CDH12: variants seen among roughly 807,000 people sequenced by gnomAD.
The protein encoded by CDH12 is cadherin-12.
Under a neutral mutation model 74.1 loss-of-function variants are expected in CDH12, and 41 were observed. The observed-to-expected ratio is 0.55, with a 90% CI of 0.43 to 0.72. The LOEUF (loss-of-function observed/expected upper bound fraction) is 0.72, where lower values mean the gene tolerates loss of function less well. Ranked by LOEUF, CDH12 falls within the 30% of genes least tolerant of loss-of-function variation. CDH12 has a pLI of 0.00. For missense variants in CDH12, 945 were observed against 977.2 expected (o/e 0.97, Z 0.44); for synonymous variants, 399 against 355.0 (o/e 1.12, Z -1.39).
chr5:21,933,711 G>C (rs1754947648), intron 6 of CDH12, among the ~76,000 whole-genome samples: 1 of 152,164 alleles, frequency 6.6e-6, no homozygotes, highest in Non-Finnish European at 1.5e-5. Context: ...TTAAGTGGTA[G>C]AAAGTACTGA....
At chr5:22,786,059 C>G (rs114928476) in intron 1 of CDH12, among the ~76,000 whole-genome samples, 2,707 of 152,140 alleles carry the variant, frequency 0.018, 84 homozygotes, top group African/African-American at 0.062. Context: ...GACAAAGACT[C>G]AACTTAAATG....
chr5:22,507,689 T>A (rs1435792675), intron 1 of CDH12, among the ~76,000 whole-genome samples: 1 of 152,246 alleles, frequency 6.6e-6, no homozygotes, highest in Non-Finnish European at 1.5e-5. Context: ...TTGGTTAGAA[T>A]GTAATAACAT....
At chr5:22,740,817 C>T (rs1252212409) in intron 1 of CDH12, among the ~76,000 whole-genome samples, 1 of 151,934 alleles carries the variant, frequency 6.6e-6, no homozygotes, top group African/African-American at 2.4e-5. Context: ...CTAAGATTAC[C>T]TATAGAACTG....
intron 11 of CDH12, among the ~76,000 whole-genome samples, chr5:21,766,378 G>A (rs1745024097): frequency 6.6e-6 from 1 of 151,802 alleles, no homozygotes; most frequent in Admixed American, 6.6e-5. Flanking sequence ...AATAATCTTG[G>A]AGAATTATTC....
intron 3 of CDH12, among the ~76,000 whole-genome samples, chr5:22,403,578 C>T (rs1403968209): frequency 1.3e-5 from 2 of 152,174 alleles, no homozygotes; most frequent in Middle Eastern, 3.4e-3. Context: ...AGTATACAAA[C>T]CATAATATTT....
rs113689143 is a variant in CDH12 at position 22,287,453 on chromosome 5, G to A, written c.-332-74810C>T. Among the ~76,000 whole-genome samples, 1,118 of 151,966 alleles carry A rather than the reference G, an allele frequency of 7.4e-3. 14 individuals are homozygous for A. The South Asian group carries it at 0.076, about 10-fold the overall frequency. ...ATAAAATGTATAACAGGCTGGGCGCGGTGGCTCACGCCTGTAATCCCAGCA... is the reference window on the plus strand; with the variant it reads ...ATAAAATGTATAACAGGCTGGGCGCAGTGGCTCACGCCTGTAATCCCAGCA... On this transcript the variant is annotated intron_variant, in intron 3 of 14. Transcript: ENST00000382254.
chr5:22,073,026 T>C (rs966560182), intron 5 of CDH12, among the ~76,000 whole-genome samples: 1 of 152,098 alleles, frequency 6.6e-6, no homozygotes, highest in South Asian at 2.1e-4. Context: ...TAGTGTTCTT[T>C]TGCAGATATG....
intron 1 of CDH12, among the ~76,000 whole-genome samples, chr5:22,792,903 G>A (rs1212977755): frequency 6.6e-6 from 1 of 152,152 alleles, no homozygotes; most frequent in Non-Finnish European, 1.5e-5. Context: ...GAAATAATGT[G>A]CATAAAGCAG....
At chr5:21,785,012 T>C (rs934038747) in intron 10 of CDH12, among the ~76,000 whole-genome samples, 1 of 152,178 alleles carries the variant, frequency 6.6e-6, no homozygotes, top group African/African-American at 2.4e-5. Flanking sequence ...ATCGGCATCA[T>C]TTTTCCAACA....
intron 3 of CDH12, among the ~76,000 whole-genome samples, chr5:22,349,725 A>C (rs1476767925): frequency 6.6e-6 from 1 of 152,142 alleles, no homozygotes; most frequent in Non-Finnish European, 1.5e-5. Context: ...GTCTCACTAT[A>C]GACTTACTTT....
chr5:22,142,613 C>T (rs1051223149), intron 4 of CDH12: 1 of 494,364 alleles, frequency 2.0e-6, no homozygotes, highest in African/African-American at 2.0e-5. Flanking sequence ...TCAATTCTTA[C>T]ATCCTACCAT....
intron 8 of CDH12, among the ~76,000 whole-genome samples, chr5:21,819,217 T>C (rs770924623): frequency 3.3e-5 from 5 of 151,952 alleles, no homozygotes; most frequent in Non-Finnish European, 7.4e-5. Context: ...AGATCATAAA[T>C]ATTTCTTAAT....
At chr5:22,599,166 G>A (rs1283181188) in intron 1 of CDH12, among the ~76,000 whole-genome samples, 1 of 152,128 alleles carries the variant, frequency 6.6e-6, no homozygotes, top group Non-Finnish European at 1.5e-5. Context: ...CAGCATCTCT[G>A]AACATGTCTC....
At chr5:22,156,397 T>C (rs1039905282) in intron 4 of CDH12, among the ~76,000 whole-genome samples, 4 of 152,198 alleles carry the variant, frequency 2.6e-5, no homozygotes, top group African/African-American at 9.6e-5. Context: ...ATTTTTATTA[T>C]TGAACAATGT....
At chr5:22,669,235 G>T (rs181595605) in intron 1 of CDH12, among the ~76,000 whole-genome samples, 30 of 152,188 alleles carry the variant, frequency 2.0e-4, no homozygotes, top group African/African-American at 7.2e-4. Context: ...TTCAACCCAG[G>T]AACTGTTGCT....
intron 11 of CDH12, among the ~76,000 whole-genome samples, chr5:21,767,503 T>C (rs542464111): frequency 6.6e-6 from 1 of 151,772 alleles, no homozygotes; most frequent in South Asian, 2.1e-4. Context: ...AAAAGTACTA[T>C]TGGCATTTTA....
intron 5 of CDH12, among the ~76,000 whole-genome samples, chr5:22,036,330 T>G (rs879578263): frequency 6.6e-6 from 1 of 152,142 alleles, no homozygotes; most frequent in African/African-American, 2.4e-5. Flanking sequence ...CTAGGGACTA[T>G]AGACAGAGTT....
rs35066570 is a variant in CDH12, at chr5:22,230,473, A to ATT, written c.-332-17832_-332-17831dup. On this transcript the variant is annotated intron_variant, in intron 3 of 14. Transcript: ENST00000382254. ...TATTGTCAAAAAAAGAGATGTCATA[A>ATT]TTTTTTTTTTTTTTTTTTGACAGAG... 4.5e-3 allele frequency among the ~76,000 whole-genome samples: 598 copies of ATT among 133,604 alleles called. 9 individuals are homozygous for ATT. Among genetic ancestry groups the ATT allele is most frequent in the Middle Eastern group, 7.6e-3 (2 of 264 alleles). The allele number at this position is 133,604 out of a possible 152,430, so 87.6% of individuals were successfully genotyped here.
intron 1 of CDH12, among the ~76,000 whole-genome samples, chr5:22,773,504 T>C (rs1746922613): frequency 6.6e-6 from 1 of 152,148 alleles, no homozygotes; most frequent in Admixed American, 6.6e-5. Flanking sequence ...TAACTCAAGA[T>C]GGATTAAAGA....
Sources: allele counts gnomAD v4.1 joint callset (sites outside exome capture counted in the v4.1 genomes callset), GRCh38; gene constraint gnomAD v4.1.1; transcripts MANE v1.5; gene names NCBI Gene and HGNC (gene_info 2026-07-23, HGNC 2026-07-21).